UNC5D: variants seen among roughly 807,000 people sequenced by gnomAD.
UNC5D encodes the protein netrin receptor UNC5D.
In UNC5D, 39 loss-of-function variants were observed where a neutral mutation model predicts 105.4. That is an observed-to-expected ratio of 0.37 (90% CI 0.29 to 0.48). The LOEUF (loss-of-function observed/expected upper bound fraction) is 0.48, where lower values mean the gene tolerates loss of function less well. Among genes scored for constraint, UNC5D ranks in the 20% least tolerant of loss-of-function variants. The pLI is 0.98. For synonymous variants in UNC5D, 452 were observed against 450.4 expected, an observed-to-expected ratio of 1.00 and a Z score of -0.04; for missense variants, 991 against 1,202.4, an observed-to-expected ratio of 0.82 and a Z score of 2.60.
intron 1 of UNC5D, among the ~76,000 whole-genome samples, chr8:35,520,138 C>T (rs943309670): frequency 2.6e-5 from 4 of 152,022 alleles, no homozygotes; most frequent in African/African-American, 9.7e-5. Flanking sequence ...GCAGAATTAT[C>T]CCTAATAGAT....
chr8:35,674,782 C>G (rs1825088233), intron 4 of UNC5D, among the ~76,000 whole-genome samples: 1 of 152,208 alleles, frequency 6.6e-6, no homozygotes, highest in African/African-American at 2.4e-5. Context: ...GGTGCTGTCT[C>G]AGTTCAGCTG....
At chr8:35,620,941 C>T (rs566283399) in intron 4 of UNC5D, among the ~76,000 whole-genome samples, 142 of 152,300 alleles carry the variant, frequency 9.3e-4, no homozygotes, top group African/African-American at 3.1e-3. Flanking sequence ...GATTCTCAGC[C>T]TTAACACTGT....
At chr8:35,765,314 C>T (rs1801716845) in intron 14 of UNC5D, among the ~76,000 whole-genome samples, 1 of 152,114 alleles carries the variant, frequency 6.6e-6, no homozygotes, top group Non-Finnish European at 1.5e-5. Context: ...CAGAGAATGG[C>T]AAAGATAGAG....
intron 1 of UNC5D, among the ~76,000 whole-genome samples, chr8:35,325,870 C>T (rs553504105): frequency 2.0e-5 from 3 of 152,204 alleles, no homozygotes; most frequent in East Asian, 1.9e-4. Flanking sequence ...ATCCTATCAT[C>T]GTCCTCAGTA....
chr8:35,676,160 T>C (rs532003369), intron 4 of UNC5D, among the ~76,000 whole-genome samples: 8 of 152,270 alleles, frequency 5.3e-5, no homozygotes, highest in Non-Finnish European at 7.3e-5. Context: ...GAACCTGCTG[T>C]CTGGCATGAA....
intron 11 of UNC5D, among the ~76,000 whole-genome samples, chr8:35,739,526 GA>G (rs1829653649): frequency 6.6e-6 from 1 of 152,182 alleles, no homozygotes; most frequent in African/African-American, 2.4e-5. Context: ...CTCACAATGT[GA>G]AATGATTAGA....
chr8:35,270,507 G>A (rs1460257922), intron 1 of UNC5D, among the ~76,000 whole-genome samples: 1 of 152,050 alleles, frequency 6.6e-6, no homozygotes, highest in Admixed American at 6.6e-5. Flanking sequence ...CCCAGCTTCT[G>A]CCTTTTTCTT....
At chr8:35,688,209 C>T (rs544043196) in intron 7 of UNC5D, among the ~76,000 whole-genome samples, 5 of 151,108 alleles carry the variant, frequency 3.3e-5, no homozygotes, top group East Asian at 1.9e-4. Flanking sequence ...TAGAACTGGT[C>T]GCCTTCTCGG....
At chr8:35,479,912 C>T (rs936199869) in intron 1 of UNC5D, among the ~76,000 whole-genome samples, 1 of 152,038 alleles carries the variant, frequency 6.6e-6, no homozygotes, top group African/African-American at 2.4e-5. Flanking sequence ...CACACATAGC[C>T]CCTGAACCTA....
chr8:35,781,238 T>G (rs563394465), intron 16 of UNC5D, among the ~76,000 whole-genome samples: 1 of 152,306 alleles, frequency 6.6e-6, no homozygotes, highest in Admixed American at 6.5e-5. Context: ...TGCCCGCTAA[T>G]ATGAAGCTGA....
intron 1 of UNC5D, among the ~76,000 whole-genome samples, chr8:35,346,304 T>C (rs899070323): frequency 2.4e-4 from 37 of 152,020 alleles, no homozygotes; most frequent in African/African-American, 8.4e-4. Context: ...ATGTAGAAAG[T>C]ATTTAAAACT....
intron 16 of UNC5D, among the ~76,000 whole-genome samples, chr8:35,788,833 A>G (rs1802875307): frequency 6.6e-6 from 1 of 151,988 alleles, no homozygotes; most frequent in Non-Finnish European, 1.5e-5. Context: ...ACCATTGGAC[A>G]CAGCCAAACA....
At chr8:35,442,877 C>T (rs994084331) in intron 1 of UNC5D, among the ~76,000 whole-genome samples, 34 of 142,304 alleles carry the variant, frequency 2.4e-4, no homozygotes, top group African/African-American at 8.2e-4. Flanking sequence ...CTCTCTCTCT[C>T]TCTCTGTTTC....
At chr8:35,749,141 A>G (rs537912211) in intron 12 of UNC5D, among the ~76,000 whole-genome samples, 1 of 152,260 alleles carries the variant, frequency 6.6e-6, no homozygotes, top group South Asian at 2.1e-4. Context: ...TTTAATCAGG[A>G]ACACATTTAG....
At chr8:35,306,094 T>TGAAA (rs1808394396) in intron 1 of UNC5D, among the ~76,000 whole-genome samples, 1 of 151,980 alleles carries the variant, frequency 6.6e-6, no homozygotes, top group African/African-American at 2.4e-5. Flanking sequence ...GCTAAGTGTT[T>TGAAA]TGTTCTTCAC....
At chr8:35,612,380 C>G (rs1160918849) in intron 4 of UNC5D, among the ~76,000 whole-genome samples, 1 of 151,524 alleles carries the variant, frequency 6.6e-6, no homozygotes, top group Non-Finnish European at 1.5e-5. Flanking sequence ...TGAAGTCATG[C>G]AAGTGTTAGG....
chr8:35,533,589 C>G (rs1814580043), intron 1 of UNC5D, among the ~76,000 whole-genome samples: 1 of 152,254 alleles, frequency 6.6e-6, no homozygotes, highest in African/African-American at 2.4e-5. Flanking sequence ...TTCGAGCTTC[C>G]TGGCTGCTTT....
chr8:35,235,496 C>A lies in UNC5D; in HGVS notation c.-289C>A, dbSNP rs1226198897. On this transcript the variant is annotated 5_prime_UTR_variant, in exon 1 of 17. Coordinates refer to ENST00000404895, the MANE Select transcript of UNC5D (RefSeq NM_080872.4). ...CGCTCCGTAGTTCGGGGCCCGGCAG[C>A]GGCGCGAGGGCTGGGAACTGCGCGG... 7 of 296,204 alleles carry A rather than the reference C, an allele frequency of 2.4e-5. No homozygotes were observed. The highest frequency in any genetic ancestry group is 4.3e-5 in the Non-Finnish European group (7 of 161,362). 18.3% of individuals were successfully genotyped at this position (296,204 alleles called of 1,614,324 possible).
At chr8:35,608,491 C>A (rs1427184408) in intron 4 of UNC5D, among the ~76,000 whole-genome samples, 1 of 152,004 alleles carries the variant, frequency 6.6e-6, no homozygotes, top group East Asian at 1.9e-4. Flanking sequence ...GCATGTAAGC[C>A]CTGAAGACAG....
Sources: gnomAD v4.1 joint callset for allele counts (sites outside exome capture counted in the v4.1 genomes callset) on GRCh38, gnomAD v4.1.1 for gene constraint, MANE v1.5 for transcripts, NCBI Gene and HGNC (gene_info 2026-07-23, HGNC 2026-07-21) for gene names.